The following RIMKLB variants were observed in gnomAD, a reference collection of about 807,000 sequenced individuals.
RIMKLB encodes beta-citrylglutamate synthase B.
Under a neutral mutation model 32.0 loss-of-function variants are expected in RIMKLB, and 7 were observed. That is an observed-to-expected ratio of 0.22 (90% CI 0.12 to 0.41). RIMKLB has a LOEUF of 0.41. Among genes scored for constraint, RIMKLB ranks in the 10% least tolerant of loss-of-function variants. The pLI is 1.00. For synonymous variants in RIMKLB, 172 were observed against 185.1 expected, an observed-to-expected ratio of 0.93 and a Z score of 0.57; for missense variants, 289 against 498.7, an observed-to-expected ratio of 0.58 and a Z score of 4.00.
chr12:8,692,574 C>A (rs1486943627), upstream of RIMKLB, among the ~76,000 whole-genome samples: 1 of 152,190 alleles, frequency 6.6e-6, no homozygotes, highest in Non-Finnish European at 1.5e-5. Flanking sequence ...AAACCTGTAT[C>A]ATGTTTCTTG....
intron 1 of RIMKLB, among the ~76,000 whole-genome samples, chr12:8,683,333 C>T (rs1942468994): frequency 1.3e-5 from 2 of 152,134 alleles, no homozygotes; most frequent in African/African-American, 4.8e-5. Flanking sequence ...TAAGAAACCA[C>T]CAATCTGTCT....
intron 5 of RIMKLB, among the ~76,000 whole-genome samples, chr12:8,765,528 G>C (rs557923796): frequency 1.2e-4 from 19 of 152,124 alleles, no homozygotes; most frequent in Non-Finnish European, 2.5e-4. Context: ...TCAAAGGATT[G>C]TCCTAACCCT....
chr12:8,721,507 C>T (rs1023269859), intron 2 of RIMKLB, among the ~76,000 whole-genome samples: 1 of 152,314 alleles, frequency 6.6e-6, no homozygotes, highest in Admixed American at 6.5e-5. Flanking sequence ...ACCATTTGGT[C>T]ATCTGTAAGA....
intron 5 of RIMKLB, among the ~76,000 whole-genome samples, chr12:8,756,320 A>T (rs2969092): frequency 0.32 from 48,002 of 151,812 alleles, 7,805 homozygotes; most frequent in South Asian, 0.5. Context: ...AATAAAAAAA[A>T]TTCCTCCAAT....
the RIMKLB span, among the ~76,000 whole-genome samples, chr12:8,673,713 A>C: frequency 1.3e-5 from 2 of 151,600 alleles, no homozygotes; most frequent in Non-Finnish European, 1.5e-5. Context: ...CTTCTACCTT[A>C]GCCTCCCCAG....
chr12:8,770,606 A>C (rs990453974), intron 5 of RIMKLB, among the ~76,000 whole-genome samples: 2 of 152,154 alleles, frequency 1.3e-5, no homozygotes, highest in African/African-American at 4.8e-5. Flanking sequence ...GGGCTATCAG[A>C]GTCATAGATA....
At chr12:8,694,786 G>T (rs1241588289), upstream of RIMKLB, among the ~76,000 whole-genome samples, 1 of 152,206 alleles carries the variant, frequency 6.6e-6, no homozygotes, top group Admixed American at 6.5e-5. Context: ...TCATCTCAAA[G>T]ACATTACTTA....
At chr12:8,782,673 T>TTTTAATGATAA (rs1354930786) in intron 7 of RIMKLB, among the ~76,000 whole-genome samples, 15 of 152,192 alleles carry the variant, frequency 9.9e-5, no homozygotes, top group Non-Finnish European at 1.5e-5. Flanking sequence ...AGCTTTTATT[T>TTTTAATGATAA]TTTAATGATA....
intron 5 of RIMKLB, among the ~76,000 whole-genome samples, chr12:8,765,698 C>G (rs897955012): frequency 1.3e-5 from 2 of 152,142 alleles, no homozygotes; most frequent in Admixed American, 6.5e-5. Context: ...AATATTGGCA[C>G]TCTTTGGTTC....
Position 8,775,368 on chromosome 12 carries a change from C to T in RIMKLB, c.*1584C>T. 1 of 985,308 alleles carries T rather than the reference C, an allele frequency of 1.0e-6. No homozygotes were observed. The highest frequency in any genetic ancestry group is 1.2e-6 in the Non-Finnish European group (1 of 829,864). 61.0% of individuals were successfully genotyped at this position (985,308 alleles called of 1,614,324 possible). Reference sequence around the variant, plus strand: ...CCCCCAAACTGCATATAATATGAGCCTTTAAAACATGGGTAAAACTAATCC... The same window carrying T: ...CCCCCAAACTGCATATAATATGAGCTTTTAAAACATGGGTAAAACTAATCC... On this transcript the variant is annotated 3_prime_UTR_variant, in exon 6 of 6. Coordinates refer to ENST00000535829, the MANE Select transcript of RIMKLB (RefSeq NM_001297776.2).
At chr12:8,782,230 TTTTG>T (rs1189381089) in intron 7 of RIMKLB, among the ~76,000 whole-genome samples, 10 of 152,176 alleles carry the variant, frequency 6.6e-5, no homozygotes, top group African/African-American at 2.4e-4. Context: ...TTAACTTGAA[TTTTG>T]TTTGTCTAGG....
chr12:8,697,183 G>A (rs966668385), upstream of RIMKLB: 1 of 152,118 alleles, frequency 6.6e-6, no homozygotes, highest in Non-Finnish European at 1.5e-5. Flanking sequence ...CAAGGTTTAC[G>A]CCGGTTTCTA....
intron 1 of RIMKLB, among the ~76,000 whole-genome samples, chr12:8,710,309 T>C (rs1944268471): frequency 8.3e-6 from 1 of 121,178 alleles, no homozygotes; most frequent in Non-Finnish European, 1.6e-5. Flanking sequence ...GTTTCCTTCT[T>C]TTTTTTTTTT....
intron 1 of RIMKLB, among the ~76,000 whole-genome samples, chr12:8,707,719 A>G (rs1423135852): frequency 6.6e-6 from 1 of 152,196 alleles, no homozygotes; most frequent in Non-Finnish European, 1.5e-5. Flanking sequence ...CCATCAGTCA[A>G]TTATTAGCAT....
intron 2 of RIMKLB, among the ~76,000 whole-genome samples, chr12:8,744,224 T>TTCC (rs1298017308): frequency 2.0e-5 from 3 of 151,972 alleles, no homozygotes; most frequent in African/African-American, 7.3e-5. Context: ...ACATTCATCT[T>TTCC]TCCAGCCTTG....
Position 8,769,430 on chromosome 12 carries a change from A to G in RIMKLB, c.698-3891A>G, listed in dbSNP as rs139028538. On this transcript the variant is annotated intron_variant, in intron 5 of 5. Transcript: ENST00000535829. Reference sequence around the variant, plus strand: ...TTTGCGTGTTTTCTATAAGCAGTATATAGCTAAGTTTTGTTTTTTATTCAA... The same window carrying G: ...TTTGCGTGTTTTCTATAAGCAGTATGTAGCTAAGTTTTGTTTTTTATTCAA... Among the ~76,000 whole-genome samples, 21 of 152,288 alleles carry G rather than the reference A, an allele frequency of 1.4e-4. No individual in the cohort carries two copies. The East Asian group carries it at 3.9e-3, about 28-fold the overall frequency.
At chr12:8,708,697 G>GA (rs1338930097) in intron 1 of RIMKLB, among the ~76,000 whole-genome samples, 1 of 152,124 alleles carries the variant, frequency 6.6e-6, no homozygotes, top group Admixed American at 6.5e-5. Flanking sequence ...TATTACCTTA[G>GA]AAAAAATTTA....
intron 1 of RIMKLB, among the ~76,000 whole-genome samples, chr12:8,690,762 A>G (rs1162854564): frequency 2.6e-5 from 4 of 152,092 alleles, no homozygotes; most frequent in Non-Finnish European, 5.9e-5. Flanking sequence ...CTCTCTCCTA[A>G]AAATACAAAA....
intron 2 of RIMKLB, among the ~76,000 whole-genome samples, chr12:8,720,791 C>T (rs1366531659): frequency 7.2e-5 from 11 of 152,156 alleles, no homozygotes; most frequent in African/African-American, 1.4e-4. Flanking sequence ...CCGCCCCCCT[C>T]GGCTTCCCAA....
Sources: allele counts gnomAD v4.1 joint callset (sites outside exome capture counted in the v4.1 genomes callset), GRCh38; gene constraint gnomAD v4.1.1; transcripts MANE v1.5; gene names NCBI Gene and HGNC (gene_info 2026-07-23, HGNC 2026-07-21).